TEX26: variants seen among roughly 807,000 people sequenced by gnomAD.
TEX26 encodes the protein testis expressed 26.
TEX26 carries 34 observed loss-of-function variants against 35.3 expected under a neutral mutation model. That is an observed-to-expected ratio of 0.96 (90% confidence interval 0.73 to 1.28). The LOEUF (loss-of-function observed/expected upper bound fraction) is 1.28. TEX26 is among the 50% of genes most tolerant of loss of function. The probability of loss-of-function intolerance (pLI) is 0.00; values close to 1 mark genes in which losing one functional copy is unlikely to be tolerated. For synonymous variants in TEX26, 136 were observed against 111.8 expected, an observed-to-expected ratio of 1.22 and a Z score of -1.36; for missense variants, 371 against 330.1, an observed-to-expected ratio of 1.12 and a Z score of -0.96.
intron 2 of TEX26, among the ~76,000 whole-genome samples, chr13:30,949,835 A>G (rs1262500898): frequency 6.6e-6 from 1 of 152,174 alleles, no homozygotes; most frequent in Admixed American, 6.5e-5. Flanking sequence ...TATTAATTTC[A>G]TCAGACATCA....
chr13:30,952,914 C>A, intron 3 of TEX26, 89 bp downstream of exon 3: 2 of 1,135,760 alleles, frequency 1.8e-6, no homozygotes, highest in East Asian at 2.6e-5. Flanking sequence ...TCACAAAGAT[C>A]TCTCAGCTTC....
chr13:30,939,026 G>A (rs568034871), intron 1 of TEX26, among the ~76,000 whole-genome samples: 18 of 152,336 alleles, frequency 1.2e-4, no homozygotes, highest in African/African-American at 4.3e-4. Flanking sequence ...ACTTGGAGGA[G>A]TTTTCTATCA....
At chr13:30,974,131 A>AAAAAAAAATATATATATATATATAT in intron 6 of TEX26, among the ~76,000 whole-genome samples, 1 of 84,430 alleles carries the variant, frequency 1.2e-5, no homozygotes, top group Non-Finnish European at 2.2e-5. Context: ...AAAAAAAAAA[A>AAAAAAAAATATATATATATATATAT]ATATATATAT....
chr13:30,963,060 C>T (rs921364968), intron 4 of TEX26, among the ~76,000 whole-genome samples: 1 of 152,022 alleles, frequency 6.6e-6, no homozygotes, highest in African/African-American at 2.4e-5. Flanking sequence ...AATCTCCCGA[C>T]CTCGTGATCC....
intron 2 of TEX26, among the ~76,000 whole-genome samples, chr13:30,944,247 A>G (rs1486690927): frequency 6.6e-6 from 1 of 151,890 alleles, no homozygotes; most frequent in Non-Finnish European, 1.5e-5. Context: ...GAGTGCATTG[A>G]GGTGCTCATA....
At position 30,936,807 on chromosome 13, in the gene TEX26, A is replaced by C. The variant is rs187911925; in HGVS notation, c.62-2887A>C. On this transcript the variant is annotated intron_variant, in intron 1 of 6. Coordinates refer to ENST00000380473, the MANE Select transcript of TEX26 (RefSeq NM_152325.3). ...CACAGGAAAGATGGATATGAGCTACACAAAAGGACATTGAGATACTGAGAA... is the reference window on the plus strand; with the variant it reads ...CACAGGAAAGATGGATATGAGCTACCCAAAAGGACATTGAGATACTGAGAA... 2.1e-5 allele frequency: 21 copies of C among 985,458 alleles called. No individual in the cohort carries two copies. The Admixed American group carries it at 1.2e-3, about 58-fold the overall frequency. The allele number at this position is 985,458 out of a possible 1,614,324, so 61.0% of individuals were successfully genotyped here.
At position 30,950,958 on chromosome 13, in the gene TEX26, G is replaced by T. The variant is rs558088193; in HGVS notation, c.147-1702G>T. Among the ~76,000 whole-genome samples, 128 of 152,324 alleles carry T rather than the reference G, an allele frequency of 8.4e-4. 1 individual carries two copies. The highest frequency in any genetic ancestry group is 3.0e-3 in the African/African-American group (125 of 41,572). On this transcript the variant is annotated intron_variant, in intron 2 of 6. Transcript: ENST00000380473. ...AGAAAGAACCCACATACATTTGCAG[G>T]TTTGTTCTCAGGTGGATATGTTCTA... is the stretch of plus-strand genomic sequence containing the variant.
intron 2 of TEX26, among the ~76,000 whole-genome samples, chr13:30,940,644 T>C (rs1472973475): frequency 1.3e-5 from 2 of 152,158 alleles, no homozygotes; most frequent in Non-Finnish European, 2.9e-5. Context: ...CCCCATCATC[T>C]TTTACTGTGT....
At chr13:30,952,543 C>T (rs749943811) in intron 2 of TEX26, 117 bp from the exon 3 acceptor site, 37 of 846,894 alleles carry the variant, frequency 4.4e-5, no homozygotes, top group Non-Finnish European at 5.4e-5. Flanking sequence ...CTGGCACCAA[C>T]TCTTATGCCA....
At chr13:30,942,625 C>T (rs936768480) in intron 2 of TEX26, among the ~76,000 whole-genome samples, 1 of 151,922 alleles carries the variant, frequency 6.6e-6, no homozygotes, top group Admixed American at 6.6e-5. Context: ...TAAGTTATCT[C>T]CTAGAATTTT....
chr13:30,953,598 G>A (rs1017327645), intron 3 of TEX26, among the ~76,000 whole-genome samples: 3 of 152,252 alleles, frequency 2.0e-5, no homozygotes, highest in East Asian at 3.9e-4. Context: ...TGTTTCATAC[G>A]CTCTCAAACC....
chr13:30,970,432 C>T (rs1222764539), intron 6 of TEX26, among the ~76,000 whole-genome samples: 1 of 152,158 alleles, frequency 6.6e-6, no homozygotes, highest in African/African-American at 2.4e-5. Context: ...TCTGGCACTT[C>T]AGAAGAAAAC....
At chr13:30,955,212 A>G (rs1357032523) in intron 3 of TEX26, among the ~76,000 whole-genome samples, 4 of 152,228 alleles carry the variant, frequency 2.6e-5, no homozygotes, top group Non-Finnish European at 5.9e-5. Flanking sequence ...ATAATGTTTT[A>G]AATAAGTTTA....
rs750962235 is a variant in TEX26 at position 30,969,081 on chromosome 13, C to T, written c.808+35C>T. ...GGTCTTATTTCACACACTTACAGAT[C>T]ACAATACATTGCTTTTGCCAAATAG... On this transcript the variant is annotated intron_variant, in intron 6 of 6. Transcript: ENST00000380473. 9.0e-6 allele frequency: 14 copies of T among 1,563,558 alleles called. 1 individual carries two copies. In the South Asian group the frequency reaches 1.7e-4, roughly 19 times the overall value.
chr13:30,952,001 A>ATTTTTTTTTTTTTTTTTTTTTTTT (rs751918742), intron 2 of TEX26, among the ~76,000 whole-genome samples: 2 of 50,690 alleles, frequency 3.9e-5, no homozygotes, highest in African/African-American at 1.0e-4. Flanking sequence ...TTATTCTGGG[A>ATTTTTTTTTTTTTTTTTTTTTTTT]TTTTTTTTTT....
intron 4 of TEX26, among the ~76,000 whole-genome samples, chr13:30,965,871 A>G (rs1954508089): frequency 6.6e-6 from 1 of 152,198 alleles, no homozygotes; most frequent in African/African-American, 2.4e-5. Context: ...TAAAAAAGTC[A>G]TTATCTGAAA....
In TEX26 at chr13:30,966,156, A is replaced by G; in HGVS notation, c.470-66A>G. 3 of 1,559,116 alleles carry G rather than the reference A, an allele frequency of 1.9e-6. No individual in the cohort carries two copies. In the South Asian group the frequency reaches 3.4e-5, roughly 18 times the overall value. On this transcript the variant is annotated intron_variant, in intron 4 of 6. Transcript: ENST00000380473. ...CATTGACCATACCTCTAAACACAGC[A>G]AGAGTGGGTTTAGCTACTTTGTTCA...
chr13:30,946,268 C>T (rs1215745916), intron 2 of TEX26, among the ~76,000 whole-genome samples: 2 of 151,728 alleles, frequency 1.3e-5, no homozygotes, highest in Non-Finnish European at 2.9e-5. Context: ...TTCGTCATTC[C>T]CTAAATGTGT....
intron 6 of TEX26, 57 bp from the exon 7 acceptor site, chr13:30,974,789 T>G (rs1954828264): frequency 1.4e-6 from 2 of 1,464,498 alleles, no homozygotes; most frequent in African/African-American, 2.9e-5. Context: ...ATTTCCCAAT[T>G]TATCATTTAA....
Sources: gnomAD v4.1 joint callset for allele counts (sites outside exome capture counted in the v4.1 genomes callset) on GRCh38, gnomAD v4.1.1 for gene constraint, MANE v1.5 for transcripts, NCBI Gene and HGNC (gene_info 2026-07-23, HGNC 2026-07-21) for gene names.